Variants in IL1RAPL1 observed in about 807,000 individuals in gnomAD.
IL1RAPL1 encodes the protein interleukin 1 receptor accessory protein like 1.
A neutral mutation model predicts 48.4 loss-of-function variants in IL1RAPL1; 3 were observed. The observed-to-expected ratio is 0.06, with a 90% confidence interval of 0.03 to 0.16. The LOEUF is 0.16. Among genes scored for constraint, IL1RAPL1 ranks in the 10% least tolerant of loss-of-function variants. The pLI, the probability that IL1RAPL1 is intolerant of heterozygous loss-of-function variation, is 1.00. For missense variants in IL1RAPL1, 349 were observed against 530.6 expected, an observed-to-expected ratio of 0.66 and a Z score of 3.36; for synonymous variants, 185 against 187.7, an observed-to-expected ratio of 0.99 and a Z score of 0.12.
In IL1RAPL1 at chrX:29,527,326, CTTTTTTTTTTT is replaced by C. The variant is rs61003668; in HGVS notation, c.703+128038_703+128048del. Among the ~76,000 whole-genome samples, 199 of 25,567 alleles carry C rather than the reference CTTTTTTTTTTT, an allele frequency of 7.8e-3. 1 individual carries two copies. Among genetic ancestry groups the C allele is most frequent in the South Asian group, 0.02 (3 of 152 alleles). The allele number at this position is 25,567 out of a possible 115,157, so 22.2% of individuals were successfully genotyped here. On this transcript the variant is annotated intron_variant, in intron 5 of 10. Transcript: ENST00000378993. ...TAGGACTTGCATGTAGGGAAGGACT[CTTTTTTTTTTT>C]TTTTTTTTTTTTTTTTTTTGAGACG...
chrX:29,684,066 T>C lies in IL1RAPL1; in HGVS notation c.778+15562T>C, dbSNP rs184889052. Among the ~76,000 whole-genome samples, 4 of 112,450 alleles carry C rather than the reference T, an allele frequency of 3.6e-5. No individual in the cohort carries two copies. In the Admixed American group the frequency reaches 3.8e-4, roughly 11 times the overall value. ...GGGATGGATACCCTATTCTCCATGA[T>C]GTGCATATTTCACAGTGCATGCTGT... On this transcript the variant is annotated intron_variant, in intron 6 of 10. Coordinates refer to ENST00000378993, the MANE Select transcript of IL1RAPL1 (RefSeq NM_014271.4).
At chrX:29,769,610 A>AT (rs146650137) in intron 6 of IL1RAPL1, among the ~76,000 whole-genome samples, 828 of 43,006 alleles carry the variant, frequency 0.019, 21 homozygotes, top group African/African-American at 0.022. Context: ...TGCCTGGCTA[A>AT]TTTTTTTTTT....
At chrX:28,889,955 G>A (rs892291208) in intron 2 of IL1RAPL1, among the ~76,000 whole-genome samples, 1 of 111,454 alleles carries the variant, frequency 9.0e-6, no homozygotes, top group African/African-American at 3.3e-5. Context: ...CAATGCCATA[G>A]CACTTGAATT....
intron 2 of IL1RAPL1, among the ~76,000 whole-genome samples, chrX:28,940,432 G>GT (rs779378016): frequency 1.8e-4 from 20 of 111,025 alleles, no homozygotes; most frequent in African/African-American, 5.5e-4. Flanking sequence ...TTCTAGAAGT[G>GT]TTTTTTTCCT....
At chrX:29,837,292 T>TACAC (rs1347691509) in intron 6 of IL1RAPL1, among the ~76,000 whole-genome samples, 2 of 74,723 alleles carry the variant, frequency 2.7e-5, no homozygotes, top group Admixed American at 1.5e-4. Context: ...TATATATATA[T>TACAC]ATATATATAC....
At chrX:29,485,283 A>T (rs772905615) in intron 5 of IL1RAPL1, among the ~76,000 whole-genome samples, 1 of 112,257 alleles carries the variant, frequency 8.9e-6, no homozygotes, top group Non-Finnish European at 1.9e-5. Context: ...AATGAGTAGA[A>T]ACTGAATGAT....
rs189744429 is a variant in IL1RAPL1 at position 29,598,331 on chromosome X, G to T, written c.704-70099G>T. Among the ~76,000 whole-genome samples, 902 of 112,042 alleles carry T rather than the reference G, an allele frequency of 8.1e-3. 4 individuals carry two copies. Among genetic ancestry groups the T allele is most frequent in the Middle Eastern group, 0.014 (3 of 219 alleles). On this transcript the variant is annotated intron_variant, in intron 5 of 10. Transcript: ENST00000378993. ...TATTTAACTTCCATGTATTTGCATG[G>T]TTTTGAGGGATCCTTTTGGAGTCGA...
At chrX:29,732,359 G>C (rs1243717104) in intron 6 of IL1RAPL1, among the ~76,000 whole-genome samples, 2 of 111,684 alleles carry the variant, frequency 1.8e-5, no homozygotes, top group African/African-American at 6.5e-5. Flanking sequence ...TAATTCATCT[G>C]ATCATATCTT....
chrX:29,557,240 T>G lies in IL1RAPL1; in HGVS notation c.704-111190T>G, dbSNP rs772767977. Among the ~76,000 whole-genome samples, 4 of 111,870 alleles carry G rather than the reference T, an allele frequency of 3.6e-5. No homozygotes were observed. The East Asian group carries it at 8.4e-4, about 23-fold the overall frequency. Reference sequence around the variant, plus strand: ...ACAAATTCCAGCCAATGAATGGTCTTAGGCGGTCAAGAATTTTATTCTGGC... The same window carrying G: ...ACAAATTCCAGCCAATGAATGGTCTGAGGCGGTCAAGAATTTTATTCTGGC... On this transcript the variant is annotated intron_variant, in intron 5 of 10. Transcript: ENST00000378993.
At chrX:28,939,250 G>A (rs1392622392) in intron 2 of IL1RAPL1, among the ~76,000 whole-genome samples, 2 of 110,765 alleles carry the variant, frequency 1.8e-5, no homozygotes, top group Non-Finnish European at 3.8e-5. Flanking sequence ...CATTGCAGCA[G>A]TATTCACAAT....
intron 2 of IL1RAPL1, among the ~76,000 whole-genome samples, chrX:28,901,193 C>T (rs1267684762): frequency 9.0e-6 from 1 of 111,551 alleles, no homozygotes; most frequent in African/African-American, 3.3e-5. Context: ...CAAACACTAA[C>T]ATAGAGCCAT....
intron 1 of IL1RAPL1, among the ~76,000 whole-genome samples, chrX:28,742,416 G>T (rs1183096746): frequency 1.8e-5 from 2 of 111,190 alleles, no homozygotes; most frequent in Non-Finnish European, 3.8e-5. Context: ...TTGATAATAG[G>T]AATACAAAGA....
At chrX:29,684,551 T>C (rs1926563600) in intron 6 of IL1RAPL1, among the ~76,000 whole-genome samples, 1 of 111,565 alleles carries the variant, frequency 9.0e-6, no homozygotes, top group African/African-American at 3.3e-5. Flanking sequence ...TTCTATTCAG[T>C]TGCATGTCTC....
At chrX:29,790,589 A>C (rs1308731020) in intron 6 of IL1RAPL1, among the ~76,000 whole-genome samples, 2 of 112,137 alleles carry the variant, frequency 1.8e-5, no homozygotes, top group African/African-American at 3.2e-5. Context: ...GTATCTAATA[A>C]AATTAAACCG....
At chrX:29,480,536 T>C (rs1935031352) in intron 5 of IL1RAPL1, among the ~76,000 whole-genome samples, 1 of 110,459 alleles carries the variant, frequency 9.1e-6, no homozygotes, top group Non-Finnish European at 1.9e-5. Context: ...TTGGCACTTT[T>C]GCCTTTCATT....
At position 29,206,801 on chromosome X, in the gene IL1RAPL1, A is replaced by G. The variant is rs1432198885; in HGVS notation, c.83-76137A>G. Among the ~76,000 whole-genome samples the G allele has an allele frequency of 2.7e-5, 3 of 111,976 alleles. No homozygotes were observed. The East Asian group carries it at 8.3e-4, about 31-fold the overall frequency. ...ATGTACTGAAAAGATAAAAAAATGT[A>G]AAAATTGGAAGGGATAATTATTGAA... On this transcript the variant is annotated intron_variant, in intron 2 of 10. Transcript: ENST00000378993.
At chrX:29,050,989 G>T (rs1375434513) in intron 2 of IL1RAPL1, among the ~76,000 whole-genome samples, 1 of 112,220 alleles carries the variant, frequency 8.9e-6, no homozygotes, top group Non-Finnish European at 1.9e-5. Context: ...TTATACTACA[G>T]GAATAATATC....
chrX:28,842,119 C>T lies in IL1RAPL1; in HGVS notation c.82+52694C>T, dbSNP rs766380402. On this transcript the variant is annotated intron_variant, in intron 2 of 10. Transcript: ENST00000378993. The stretch of plus-strand genomic sequence containing the variant: ...CATGATATTTATCAATACTTATGAA[C>T]ATTTTAGAACCTTTCTAGCCATAAT... Among the ~76,000 whole-genome samples, 8 of 109,954 alleles carry T rather than the reference C, an allele frequency of 7.3e-5. No individual in the cohort carries two copies. In the South Asian group the frequency reaches 1.1e-3, roughly 16 times the overall value.
chrX:29,602,911 ATGAG>A (rs2147063037), intron 5 of IL1RAPL1, among the ~76,000 whole-genome samples: 1 of 74,506 alleles, frequency 1.3e-5, no homozygotes, highest in East Asian at 3.7e-4. Context: ...TTGTGAATGA[ATGAG>A]AAAGATTATG....
Sources: gnomAD v4.1 joint callset for allele counts (sites outside exome capture counted in the v4.1 genomes callset) on GRCh38, gnomAD v4.1.1 for gene constraint, MANE v1.5 for transcripts, NCBI Gene and HGNC (gene_info 2026-07-23, HGNC 2026-07-21) for gene names.